APLP2: variants seen among roughly 807,000 people sequenced by gnomAD.
APLP2 encodes the protein amyloid beta precursor like protein 2.
In APLP2, 53 loss-of-function variants were observed where a neutral mutation model predicts 89.9. The observed-to-expected ratio is 0.59, with a 90% confidence interval of 0.47 to 0.74. APLP2 has a LOEUF of 0.74. APLP2 is among the 30% of genes least tolerant of loss of function. APLP2 has a pLI of 0.00. For missense variants in APLP2, 973 were observed against 975.9 expected (o/e 1.00, Z 0.04); for synonymous variants, 372 against 348.6 (o/e 1.07, Z -0.75).
At chr11:130,120,491 C>CCCTG in intron 3 of APLP2, among the ~76,000 whole-genome samples, 1 of 152,094 alleles carries the variant, frequency 6.6e-6, no homozygotes, top group East Asian at 1.9e-4. Context: ...TTTAAAAGGT[C>CCCTG]CCTGGCATCA....
At chr11:130,122,173 G>C in intron 5 of APLP2, 132 bp from the exon 6 acceptor site, 1 of 1,088,524 alleles carries the variant, frequency 9.2e-7, no homozygotes, top group South Asian at 1.5e-5. Context: ...CCAGGGCTTA[G>C]TGGCACGGTG....
intron 3 of APLP2, among the ~76,000 whole-genome samples, chr11:130,112,799 G>A (rs1565580030): frequency 6.6e-6 from 1 of 152,128 alleles, no homozygotes; most frequent in Non-Finnish European, 1.5e-5. Context: ...AAACTCCTTA[G>A]CGTGGCTTCA....
intron 1 of APLP2, among the ~76,000 whole-genome samples, chr11:130,077,355 A>G (rs1169156763): frequency 6.6e-6 from 1 of 152,178 alleles, no homozygotes; most frequent in Admixed American, 6.5e-5. Context: ...TAGATAAGAA[A>G]ATGTGACATT....
chr11:130,083,964 C>T (rs892774732), intron 1 of APLP2, among the ~76,000 whole-genome samples: 2 of 152,048 alleles, frequency 1.3e-5, no homozygotes, highest in African/African-American at 2.4e-5. Flanking sequence ...TCCGATTTCT[C>T]GGCCGGGCGC....
rs753182676 is a variant in APLP2 at position 130,129,058 on chromosome 11, C to A, written c.1307C>A (p.Ala436Asp). The part of the protein sequence containing the change: ...ERQTLIQHFQ[A>D]MVKALEKEAA... The stretch of plus-strand genomic sequence containing the variant: ...GCTTTCTTGGTTTAGCACTTCCAAG[C>A]CATGGTTAAAGCTTTAGAGAAGGAA... The change falls in exon 10 of 17, where the codon GCC (alanine) becomes GAC (aspartate). Residue 436 changes from alanine to aspartate, a missense_variant. Transcript: ENST00000338167. The A allele has an allele frequency of 3.1e-6, 5 of 1,613,362 alleles. No homozygotes were observed. The highest frequency in any genetic ancestry group is 4.2e-6 in the Non-Finnish European group (5 of 1,179,566).
chr11:130,116,624 C>T (rs1456798150), intron 3 of APLP2, among the ~76,000 whole-genome samples: 1 of 151,996 alleles, frequency 6.6e-6, no homozygotes, highest in Non-Finnish European at 1.5e-5. Context: ...GCATTCGCCA[C>T]CACGCCTGGC....
chr11:130,093,966 T>A (rs1945821035), intron 1 of APLP2, among the ~76,000 whole-genome samples: 1 of 151,932 alleles, frequency 6.6e-6, no homozygotes, highest in Admixed American at 6.6e-5. Flanking sequence ...AGGATGATCT[T>A]GATCTCCTGA....
chr11:130,138,581 G>GTTTTTTTTT (rs34805457), intron 13 of APLP2, among the ~76,000 whole-genome samples: 1 of 91,408 alleles, frequency 1.1e-5, no homozygotes, highest in Non-Finnish European at 2.0e-5. Flanking sequence ...CTGGTGGTAG[G>GTTTTTTTTT]TTTTTTTTTT....
intron 13 of APLP2, among the ~76,000 whole-genome samples, chr11:130,139,816 G>A (rs560350366): frequency 9.2e-5 from 14 of 152,296 alleles, no homozygotes; most frequent in Non-Finnish European, 2.1e-4. Flanking sequence ...GGGATTCAGC[G>A]TGGTGGGAGA....
chr11:130,135,858 C>A, intron 13 of APLP2, 143 bp downstream of exon 13: 1 of 1,018,668 alleles, frequency 9.8e-7, no homozygotes, highest in Non-Finnish European at 1.4e-6. Flanking sequence ...ATTCATTGAG[C>A]GCCTACTGTG....
intron 7 of APLP2, among the ~76,000 whole-genome samples, chr11:130,124,302 A>G (rs1950151852): frequency 6.6e-6 from 1 of 152,174 alleles, no homozygotes; most frequent in Non-Finnish European, 1.5e-5. Context: ...AATGCACTCT[A>G]GAGAGAGCTA....
Position 130,123,523 on chromosome 11 carries a change from C to T in APLP2, c.923-89C>T. Reference sequence around the variant, plus strand: ...CCGTCCAGTCTCAGGCCTCCCCCAGCCCATCCCCCAGCTCGCCAGCCTGTA... The same window carrying T: ...CCGTCCAGTCTCAGGCCTCCCCCAGTCCATCCCCCAGCTCGCCAGCCTGTA... On this transcript the variant is annotated intron_variant, in intron 6 of 16. Coordinates refer to ENST00000338167, the MANE Select transcript of APLP2 (RefSeq NM_001142276.2). This position sits in a 1 kb window ranked among gnomAD's most constrained non-coding sequence, Gnocchi z 4.0. 2.8e-6 allele frequency: 4 copies of T among 1,407,568 alleles called. No individual in the cohort carries two copies. Among genetic ancestry groups the T allele is most frequent in the Non-Finnish European group, 2.9e-6 (3 of 1,036,902 alleles). 87.2% of individuals were successfully genotyped at this position (1,407,568 alleles called of 1,614,324 possible).
chr11:130,096,634 C>G (rs1219757163), intron 1 of APLP2, among the ~76,000 whole-genome samples: 1 of 152,138 alleles, frequency 6.6e-6, no homozygotes, highest in Non-Finnish European at 1.5e-5. Context: ...AGGAGGATCA[C>G]TTGAGCCTGG....
At chr11:130,133,798 A>G (rs1405965261) in intron 12 of APLP2, 70 bp downstream of exon 12, 2 of 1,222,282 alleles carry the variant, frequency 1.6e-6, no homozygotes, top group African/African-American at 3.0e-5. Flanking sequence ...AAAGCTGGGC[A>G]AGAGTAGAGA....
intron 1 of APLP2, among the ~76,000 whole-genome samples, chr11:130,085,119 A>G (rs1473252016): frequency 6.6e-6 from 1 of 152,186 alleles, no homozygotes; most frequent in Non-Finnish European, 1.5e-5. Context: ...ACTTGAGCAG[A>G]TCAGTAACAA....
chr11:130,127,779 G>T lies in APLP2; in HGVS notation c.1235G>T (p.Trp412Leu), dbSNP rs767651361. 2 of 1,614,008 alleles carry T rather than the reference G, an allele frequency of 1.2e-6. No individual in the cohort carries two copies. The highest frequency in any genetic ancestry group is 1.7e-6 in the Non-Finnish European group (2 of 1,179,984). ...RNRMDRVKKE[W>L]EEAELQAKNL... ...CCTTTGTTCTAGGTAAAGAAGGAAT[G>T]GGAAGAGGCAGAGCTTCAAGCTAAG... The change falls in exon 9 of 17, where the codon TGG (tryptophan) becomes TTG (leucine). Residue 412 changes from tryptophan (W) to leucine (L), a missense_variant. Trp to Leu is a moderately conservative substitution (Grantham distance 61). Transcript: ENST00000338167.
At position 130,128,920 on chromosome 11, in the gene APLP2, C is replaced by T. The variant is rs982467658; in HGVS notation, c.1297-128C>T. ...AAGTAGACTTTGGATCTTACCCTTG[C>T]TCCACTCTCCGAACCTGTTACTGTC... On this transcript the variant is annotated intron_variant, in intron 9 of 16. Coordinates refer to ENST00000338167, the MANE Select transcript of APLP2 (RefSeq NM_001142276.2). 15 of 989,078 alleles carry T rather than the reference C, an allele frequency of 1.5e-5. No individual in the cohort carries two copies. The African/African-American group carries it at 1.6e-4, about 11-fold the overall frequency. 61.3% of individuals were successfully genotyped at this position (989,078 alleles called of 1,614,324 possible). A position where few individuals can be genotyped will look rare whatever the true frequency, so the allele number is the denominator to read the frequency against.
At chr11:130,081,353 T>C (rs931517119) in intron 1 of APLP2, among the ~76,000 whole-genome samples, 1 of 152,182 alleles carries the variant, frequency 6.6e-6, no homozygotes, top group African/African-American at 2.4e-5. Context: ...TATGAACATT[T>C]TGAGTTATTG....
rs138965532 is a variant in APLP2 at position 130,126,847 on chromosome 11, T to C, written c.1221+17T>C. 1,080 of 1,613,838 alleles carry C rather than the reference T, an allele frequency of 6.7e-4. 9 individuals are homozygous for C. In the African/African-American group the frequency reaches 0.013, roughly 19 times the overall value. On this transcript the variant is annotated intron_variant, in intron 8 of 16. Transcript: ENST00000338167. ...ATGGACAGGGTAAACCTTGACAATTTCTTCATCTTCATGGTACTTGGCTTT... is the reference window on the plus strand; with the variant it reads ...ATGGACAGGGTAAACCTTGACAATTCCTTCATCTTCATGGTACTTGGCTTT...
Sources: allele counts gnomAD v4.1 joint callset (sites outside exome capture counted in the v4.1 genomes callset), GRCh38; gene constraint gnomAD v4.1.1; non-coding constraint Gnocchi (gnomAD v3.1); transcripts MANE v1.5; gene names NCBI Gene and HGNC (gene_info 2026-07-23, HGNC 2026-07-21).